Variants in GALNT18 observed in about 807,000 individuals in gnomAD.
The protein encoded by GALNT18 is polypeptide N-acetylgalactosaminyltransferase 18.
Under a neutral mutation model 69.5 loss-of-function variants are expected in GALNT18, and 44 were observed. The observed-to-expected ratio is 0.63, with a 90% CI of 0.50 to 0.81. The LOEUF (loss-of-function observed/expected upper bound fraction) is 0.81. Ranked by LOEUF, GALNT18 falls within the 40% of genes least tolerant of loss-of-function variation. The pLI, the probability that GALNT18 is intolerant of heterozygous loss-of-function variation, is 0.00. For missense variants in GALNT18, 715 were observed against 810.0 expected, an observed-to-expected ratio of 0.88 and a Z score of 1.42; for synonymous variants, 364 against 318.2, an observed-to-expected ratio of 1.14 and a Z score of -1.53.
At chr11:11,498,348 G>A (rs901548) in intron 1 of GALNT18, among the ~76,000 whole-genome samples, 1,904 of 152,306 alleles carry the variant, frequency 0.013, 41 homozygotes, top group African/African-American at 0.043. Context: ...CCAGCTCTGT[G>A]ACCCTTGGTA....
chr11:11,487,450 ATTGCATCCACATTATT>A (rs1424252590), intron 1 of GALNT18, among the ~76,000 whole-genome samples: 1 of 152,228 alleles, frequency 6.6e-6, no homozygotes, highest in Non-Finnish European at 1.5e-5. Context: ...ATAGTTTTAT[ATTGCATCCACATTATT>A]TAGTATTAGG....
chr11:11,548,016 T>C (rs1256484948), intron 1 of GALNT18, among the ~76,000 whole-genome samples: 3 of 152,186 alleles, frequency 2.0e-5, no homozygotes, highest in Admixed American at 1.3e-4. Context: ...ATCTTCTGAC[T>C]CTGAATTCTA....
intron 4 of GALNT18, among the ~76,000 whole-genome samples, chr11:11,378,141 A>C (rs1192166737): frequency 6.6e-6 from 1 of 152,224 alleles, no homozygotes; most frequent in East Asian, 1.9e-4. Flanking sequence ...CAGGGACTTC[A>C]ACTATAAAAA....
intron 8 of GALNT18, among the ~76,000 whole-genome samples, chr11:11,329,742 GGTGA>G (rs1849987452): frequency 6.6e-6 from 1 of 152,164 alleles, no homozygotes; most frequent in Admixed American, 6.5e-5. Flanking sequence ...TCGTGGAGTG[GGTGA>G]GTGAGTGGGT....
At chr11:11,343,267 G>A (rs1850243337) in intron 6 of GALNT18, among the ~76,000 whole-genome samples, 1 of 152,054 alleles carries the variant, frequency 6.6e-6, no homozygotes, top group South Asian at 2.1e-4. Context: ...AGGATCGCTT[G>A]AGCCCAGGAG....
intron 1 of GALNT18, among the ~76,000 whole-genome samples, chr11:11,599,573 G>C (rs1400379691): frequency 6.6e-6 from 1 of 151,778 alleles, no homozygotes; most frequent in East Asian, 1.9e-4. Context: ...CATTCTAATT[G>C]GATCATTTAA....
chr11:11,471,749 GGT>G (rs138599372), intron 1 of GALNT18, among the ~76,000 whole-genome samples: 3,077 of 152,310 alleles, frequency 0.02, 44 homozygotes, highest in East Asian at 0.05. Flanking sequence ...AAGAAAATAA[GGT>G]AGGCAGGATA....
chr11:11,454,632 C>A lies in GALNT18; in HGVS notation c.236-5696G>T, dbSNP rs1289006499. On this transcript the variant is annotated intron_variant, in intron 1 of 10. Transcript: ENST00000227756. The surrounding 1 kb of genome is among the most constrained non-coding windows in gnomAD (Gnocchi z 4.2). Reference sequence around the variant, plus strand: ...ACAAAGGGCAATGAGGTGGGAAGACCCAGAGACTCTAGAAAACTGGCCTAA... The same window carrying A: ...ACAAAGGGCAATGAGGTGGGAAGACACAGAGACTCTAGAAAACTGGCCTAA... Among the ~76,000 whole-genome samples, 2 of 151,942 alleles carry A rather than the reference C, an allele frequency of 1.3e-5. No individual in the cohort carries two copies. Among genetic ancestry groups the A allele is most frequent in the African/African-American group, 4.8e-5 (2 of 41,342 alleles).
rs1341050519 is a variant in GALNT18, at chr11:11,619,065, G to A, written c.235+2294C>T. 6.6e-6 allele frequency among the ~76,000 whole-genome samples: 1 copy of A among 152,088 alleles called. No individual in the cohort carries two copies. The highest frequency in any genetic ancestry group is 6.5e-5 in the Admixed American group (1 of 15,282). On this transcript the variant is annotated intron_variant, in intron 1 of 10. Coordinates refer to ENST00000227756, the MANE Select transcript of GALNT18 (RefSeq NM_198516.3). This position sits in a 1 kb window ranked among gnomAD's most constrained non-coding sequence, Gnocchi z 4.9. The stretch of plus-strand genomic sequence containing the variant: ...GTTTCCTAAATCCCAGCTCAGGATG[G>A]CCCCAGCATGGCAAAGGGAACTGTT...
In GALNT18 at chr11:11,577,829, C is replaced by T. The variant is rs573061542; in HGVS notation, c.235+43530G>A. 3.9e-5 allele frequency among the ~76,000 whole-genome samples: 6 copies of T among 152,164 alleles called. No individual in the cohort carries two copies. In the South Asian group the frequency reaches 8.3e-4, roughly 21 times the overall value. ...ATTAAATAGAATTAAGAAGACAGGG[C>T]GTGGGTGGTTATTGGTGTGGCCAAG... On this transcript the variant is annotated intron_variant, in intron 1 of 10. Transcript: ENST00000227756.
At position 11,421,242 on chromosome 11, in the gene GALNT18, G is replaced by A. The variant is rs938217919; in HGVS notation, c.595+11379C>T. On this transcript the variant is annotated intron_variant, in intron 3 of 10. Coordinates refer to ENST00000227756, the MANE Select transcript of GALNT18 (RefSeq NM_198516.3). This position sits in a 1 kb window ranked among gnomAD's most constrained non-coding sequence, Gnocchi z 5.6. Reference sequence around the variant, plus strand: ...GACCTCAGCAGAGAGGCCGGTGAGAGCAGAGAAGAGGCTGGCAACATGCAG... The same window carrying A: ...GACCTCAGCAGAGAGGCCGGTGAGAACAGAGAAGAGGCTGGCAACATGCAG... Among the ~76,000 whole-genome samples the A allele has an allele frequency of 6.6e-6, 1 of 152,142 alleles. No individual in the cohort carries two copies. The highest frequency in any genetic ancestry group is 1.5e-5 in the Non-Finnish European group (1 of 68,026).
In GALNT18 at chr11:11,340,737, G is replaced by T; in HGVS notation, c.1278+82C>A. ...CAAACAGGACTCTGGCTGACCCATA[G>T]GAAGAAGGGTTCGGTCCCATATCTT... is the stretch of plus-strand genomic sequence containing the variant. On this transcript the variant is annotated intron_variant, in intron 7 of 10. Coordinates refer to ENST00000227756, the MANE Select transcript of GALNT18 (RefSeq NM_198516.3). The surrounding 1 kb of genome is among the most constrained non-coding windows in gnomAD (Gnocchi z 4.2). 1 of 1,333,190 alleles carries T rather than the reference G, an allele frequency of 7.5e-7. No homozygotes were observed. Among genetic ancestry groups the T allele is most frequent in the Non-Finnish European group, 1.0e-6 (1 of 967,864 alleles). The allele number at this position is 1,333,190 out of a possible 1,614,324, so 82.6% of individuals were successfully genotyped here. A position where few individuals can be genotyped will look rare whatever the true frequency, so the allele number is the denominator to read the frequency against.
intron 2 of GALNT18, among the ~76,000 whole-genome samples, chr11:11,433,375 AAGGACC>A (rs1315393940): frequency 1.3e-5 from 2 of 152,246 alleles, no homozygotes; most frequent in Non-Finnish European, 2.9e-5. Flanking sequence ...GAAAAGGTAG[AAGGACC>A]AGGTCCAGTC....
intron 1 of GALNT18, among the ~76,000 whole-genome samples, chr11:11,530,170 G>T (rs34763464): frequency 4.6e-5 from 7 of 151,996 alleles, no homozygotes; most frequent in Middle Eastern, 3.4e-3. Context: ...AGAGAGGAGG[G>T]AAGGCTGGAG....
At position 11,505,872 on chromosome 11, in the gene GALNT18, G is replaced by A. The variant is rs77970325; in HGVS notation, c.236-56936C>T. On this transcript the variant is annotated intron_variant, in intron 1 of 10. Transcript: ENST00000227756. The surrounding 1 kb of genome is among the most constrained non-coding windows in gnomAD (Gnocchi z 4.6). ...CCCAGGCCTTACTGATCTAATCTCCGAGTCAGAGAAGCCAGCCATCCATCC... is the reference window on the plus strand; with the variant it reads ...CCCAGGCCTTACTGATCTAATCTCCAAGTCAGAGAAGCCAGCCATCCATCC... 6.8e-3 allele frequency among the ~76,000 whole-genome samples: 1,041 copies of A among 152,198 alleles called. 11 individuals carry two copies. Among genetic ancestry groups the A allele is most frequent in the African/African-American group, 0.018 (730 of 41,500 alleles).
Position 11,371,778 on chromosome 11 carries a change from C to A in GALNT18, c.1092+737G>T, listed in dbSNP as rs565388486. ...TCCTGCCTAACACCAGGGGACCTAA[C>A]AGGAACCTCAGATAAGAAAGAGGGC... On this transcript the variant is annotated intron_variant, in intron 6 of 10. Coordinates refer to ENST00000227756, the MANE Select transcript of GALNT18 (RefSeq NM_198516.3). Among the ~76,000 whole-genome samples, 6 of 152,306 alleles carry A rather than the reference C, an allele frequency of 3.9e-5. No individual in the cohort carries two copies. The East Asian group carries it at 1.2e-3, about 29-fold the overall frequency.
chr11:11,448,184 G>T (rs1314958677), intron 2 of GALNT18, among the ~76,000 whole-genome samples: 4 of 151,144 alleles, frequency 2.6e-5, no homozygotes, highest in Admixed American at 6.6e-5. Context: ...AAAATGAGGA[G>T]AAAAGGGGGA....
chr11:11,454,662 C>T lies in GALNT18; in HGVS notation c.236-5726G>A, dbSNP rs1032454681. 6.6e-6 allele frequency among the ~76,000 whole-genome samples: 1 copy of T among 152,098 alleles called. No individual in the cohort carries two copies. Among genetic ancestry groups the T allele is most frequent in the African/African-American group, 2.4e-5 (1 of 41,406 alleles). On this transcript the variant is annotated intron_variant, in intron 1 of 10. Transcript: ENST00000227756. The surrounding 1 kb of genome is among the most constrained non-coding windows in gnomAD (Gnocchi z 4.2). ...GACTCTAGAAAACTGGCCTAAGATG[C>T]CCTCAGGAAGTGTCCAGCTCAAACC... is the stretch of plus-strand genomic sequence containing the variant.
chr11:11,458,333 G>A (rs974180688), intron 1 of GALNT18, among the ~76,000 whole-genome samples: 50 of 152,030 alleles, frequency 3.3e-4, no homozygotes, highest in Admixed American at 3.0e-3. Flanking sequence ...TTTTAAAAGC[G>A]GCTTTATTGA....
Sources: allele counts gnomAD v4.1 joint callset (sites outside exome capture counted in the v4.1 genomes callset), GRCh38; gene constraint gnomAD v4.1.1; non-coding constraint Gnocchi (gnomAD v3.1); transcripts MANE v1.5; gene names NCBI Gene and HGNC (gene_info 2026-07-23, HGNC 2026-07-21).